LYSMD1: variants seen among roughly 807,000 people sequenced by gnomAD.
LYSMD1 encodes the protein lysM and putative peptidoglycan-binding domain-containing protein 1.
A neutral mutation model predicts 19.3 loss-of-function variants in LYSMD1; 9 were observed. That is an observed-to-expected ratio of 0.47 (90% CI 0.28 to 0.81). LYSMD1 has a LOEUF of 0.81. Among genes scored for constraint, LYSMD1 ranks in the 40% least tolerant of loss-of-function variants. The pLI is 0.11. For synonymous variants in LYSMD1, 111 were observed against 111.7 expected, an observed-to-expected ratio of 0.99 and a Z score of 0.04; for missense variants, 262 against 279.8, an observed-to-expected ratio of 0.94 and a Z score of 0.45.
At chr1:151,156,100 C>CAAAAAAAAAAA (rs751524835), downstream of LYSMD1, among the ~76,000 whole-genome samples, 2 of 38,128 alleles carry the variant, frequency 5.2e-5, no homozygotes, top group African/African-American at 7.7e-5. Context: ...AACTCTGTCT[C>CAAAAAAAAAAA]AAAAAAAAAA....
At chr1:151,157,962 A>G (rs1199340021), downstream of LYSMD1, among the ~76,000 whole-genome samples, 1 of 152,200 alleles carries the variant, frequency 6.6e-6, no homozygotes, top group African/African-American at 2.4e-5. Flanking sequence ...TAGCTGTAAA[A>G]CAAGGATGGT....
chr1:151,154,170 G>A, the LYSMD1 span, among the ~76,000 whole-genome samples: 1 of 151,974 alleles, frequency 6.6e-6, no homozygotes, highest in African/African-American at 2.4e-5. Context: ...AGCTTAGTGG[G>A]TAGACAGTTA....
chr1:151,158,505 A>T (rs1164330435), downstream of LYSMD1, among the ~76,000 whole-genome samples: 1 of 151,966 alleles, frequency 6.6e-6, no homozygotes, highest in Admixed American at 6.6e-5. Context: ...TACAGCACTA[A>T]GGGGAAAAAG....
At chr1:151,157,808 TTA>T (rs1373873164), downstream of LYSMD1, among the ~76,000 whole-genome samples, 1 of 152,232 alleles carries the variant, frequency 6.6e-6, no homozygotes, top group Non-Finnish European at 1.5e-5. Flanking sequence ...TAAATGTTAG[TTA>T]TTACTCCTAT....
chr1:151,164,085 G>A (rs587597753), intron 1 of LYSMD1, among the ~76,000 whole-genome samples: 2 of 152,000 alleles, frequency 1.3e-5, no homozygotes, highest in South Asian at 4.2e-4. Context: ...GTAGAGACAG[G>A]GTTTCACCAT....
downstream of LYSMD1, chr1:151,159,022 T>G (rs1252948240): frequency 6.2e-7 from 1 of 1,614,256 alleles, no homozygotes; most frequent in Admixed American, 1.7e-5. Flanking sequence ...TGAGGTAGAC[T>G]TCACCTTCGA....
At chr1:151,164,939 G>A in intron 1 of LYSMD1, 140 bp downstream of exon 1, 1 of 707,950 alleles carries the variant, frequency 1.4e-6, no homozygotes, top group Non-Finnish European at 2.3e-6. Flanking sequence ...ACACTGTGAT[G>A]GGAAAACAAA....
At chr1:151,154,805 C>T (rs1003724418), downstream of LYSMD1, among the ~76,000 whole-genome samples, 5 of 152,036 alleles carry the variant, frequency 3.3e-5, no homozygotes, top group African/African-American at 1.2e-4. Flanking sequence ...GCCATCATGC[C>T]CAGCTAATTT....
In LYSMD1 at chr1:151,161,767, C is replaced by A. The variant is rs1262267137; in HGVS notation, c.514G>T (p.Ala172Ser). The A allele has an allele frequency of 6.2e-7, 1 of 1,612,212 alleles. No individual in the cohort carries two copies. Among genetic ancestry groups the A allele is most frequent in the Non-Finnish European group, 8.5e-7 (1 of 1,179,526 alleles). Residue 172 changes from alanine (A) to serine (S), a missense_variant, in exon 2 of 3, where the codon GCT becomes TCT. By Grantham distance (99) the Ala-to-Ser change is moderately conservative (BLOSUM62 1). Transcript: ENST00000368908. ...TCCCCTTTTTTCAGCTTCTGAGCAG[C>A]AGCCTTCTTGGACAGGCTGATCTGT... is the stretch of plus-strand genomic sequence containing the variant. ...DSQISLSKKA[A>S]AQKLKKGENG...
At chr1:151,158,606 C>T (rs1181714241), downstream of LYSMD1, 2 of 1,225,522 alleles carry the variant, frequency 1.6e-6, no homozygotes, top group African/African-American at 3.1e-5. Flanking sequence ...ACTAAAGAAG[C>T]AACAGAAAAG....
chr1:151,159,332 C>A, downstream of LYSMD1: 1 of 1,371,840 alleles, frequency 7.3e-7, no homozygotes, highest in East Asian at 2.4e-5. Flanking sequence ...TAACCCTGCT[C>A]ACCTGGCACT....
At chr1:151,156,402 C>T (rs950946721), downstream of LYSMD1, among the ~76,000 whole-genome samples, 2 of 152,194 alleles carry the variant, frequency 1.3e-5, no homozygotes, top group Non-Finnish European at 2.9e-5. Context: ...AATGTAAGGA[C>T]AGGATCTTCA....
downstream of LYSMD1, among the ~76,000 whole-genome samples, chr1:151,157,895 C>CA (rs1177864094): frequency 1.3e-5 from 2 of 151,886 alleles, no homozygotes; most frequent in African/African-American, 4.8e-5. Flanking sequence ...CTTTGGGGGC[C>CA]AAAAAATGAG....
At chr1:151,150,898 C>A in the LYSMD1 span, among the ~76,000 whole-genome samples, 1 of 151,926 alleles carries the variant, frequency 6.6e-6, no homozygotes, top group Admixed American at 6.6e-5. Context: ...ACCACCACGC[C>A]CAGCTAATTT....
chr1:151,161,357 C>A (rs587748917), intron 2 of LYSMD1, among the ~76,000 whole-genome samples: 1 of 152,078 alleles, frequency 6.6e-6, no homozygotes, highest in Admixed American at 6.6e-5. Flanking sequence ...ATTAGCCGGG[C>A]GTGGTGGCGG....
chr1:151,157,740 C>T (rs1683271989), downstream of LYSMD1, among the ~76,000 whole-genome samples: 1 of 152,202 alleles, frequency 6.6e-6, no homozygotes, highest in Admixed American at 6.5e-5. Flanking sequence ...TAACCTTACA[C>T]AGGATTGGGA....
chr1:151,160,036 G>C lies in LYSMD1; in HGVS notation c.*846C>G, dbSNP rs587649398. 6.6e-6 allele frequency: 1 copy of C among 151,750 alleles called. No individual in the cohort carries two copies. The highest frequency in any genetic ancestry group is 1.5e-5 in the Non-Finnish European group (1 of 67,922). 9.4% of individuals were successfully genotyped at this position (151,750 alleles called of 1,614,324 possible). A position where few individuals can be genotyped will look rare whatever the true frequency, so the allele number is the denominator to read the frequency against. On this transcript the variant is annotated 3_prime_UTR_variant, in exon 3 of 3. Coordinates refer to ENST00000368908, the MANE Select transcript of LYSMD1 (RefSeq NM_212551.5). ...TGTAACAAAGAGACTCCCACAACTG[G>C]CTTCCTCTTCAAACCCCAAGGAAAG... is the stretch of plus-strand genomic sequence containing the variant.
chr1:151,162,334 A>G (rs1440055834), intron 1 of LYSMD1, among the ~76,000 whole-genome samples: 3 of 152,144 alleles, frequency 2.0e-5, no homozygotes, highest in African/African-American at 7.2e-5. Flanking sequence ...TCTGATGCCT[A>G]TAATTCCAGC....
At chr1:151,149,644 G>A in the LYSMD1 span, among the ~76,000 whole-genome samples, 2 of 151,754 alleles carry the variant, frequency 1.3e-5, no homozygotes, top group Non-Finnish European at 2.9e-5. Context: ...CCAACTACTG[G>A]GGAGGCTGAG....
Sources: allele counts gnomAD v4.1 joint callset (sites outside exome capture counted in the v4.1 genomes callset), GRCh38; gene constraint gnomAD v4.1.1; transcripts MANE v1.5; gene names NCBI Gene and HGNC (gene_info 2026-07-23, HGNC 2026-07-21).